The following DENND5B variants were observed in gnomAD, a reference collection of about 807,000 sequenced individuals.
The protein encoded by DENND5B is DENN domain containing 5B.
Under a neutral mutation model 140.6 loss-of-function variants are expected in DENND5B, and 34 were observed. That is an observed-to-expected ratio of 0.24 (90% CI 0.18 to 0.32). The LOEUF (loss-of-function observed/expected upper bound fraction) is 0.32. Among genes scored for constraint, DENND5B ranks in the 10% least tolerant of loss-of-function variants. DENND5B has a pLI of 1.00. For synonymous variants in DENND5B, 551 were observed against 562.1 expected (o/e 0.98, Z 0.28); for missense variants, 1,142 against 1,560.2 (o/e 0.73, Z 4.52).
chr12:31,569,536 C>T (rs992824627), intron 1 of DENND5B, among the ~76,000 whole-genome samples: 1 of 152,206 alleles, frequency 6.6e-6, no homozygotes, highest in Non-Finnish European at 1.5e-5. Context: ...CAGCTGGGAG[C>T]GATGGCTCAT....
At chr12:31,566,961 G>T (rs1026960426) in intron 1 of DENND5B, among the ~76,000 whole-genome samples, 2 of 152,126 alleles carry the variant, frequency 1.3e-5, no homozygotes, top group Non-Finnish European at 2.9e-5. Context: ...GGGAGGCGGA[G>T]GTTAGAACCC....
chr12:31,433,166 CGTT>C lies in DENND5B; in HGVS notation c.2092_2094del (p.Asn698del). On this transcript the variant is annotated inframe_deletion, in exon 8 of 21. Coordinates refer to ENST00000389082, the MANE Select transcript of DENND5B (RefSeq NM_144973.4). Reference sequence around the variant, plus strand: ...GGTAGACCACATACCTCCCTCAAGTCGTTGTCCAGCCCAACATGCTCAGAATGC... The same window carrying C: ...GGTAGACCACATACCTCCCTCAAGTCGTCCAGCCCAACATGCTCAGAATGC... 3.7e-6 allele frequency: 6 copies of C among 1,613,888 alleles called. No homozygotes were observed. The highest frequency in any genetic ancestry group is 5.1e-6 in the Non-Finnish European group (6 of 1,179,866).
At chr12:31,445,983 T>G (rs1299268066) in intron 6 of DENND5B, among the ~76,000 whole-genome samples, 3 of 149,780 alleles carry the variant, frequency 2.0e-5, no homozygotes, top group Non-Finnish European at 4.4e-5. Flanking sequence ...CACTCCAGCC[T>G]AGGCAACAAG....
intron 3 of DENND5B, among the ~76,000 whole-genome samples, chr12:31,472,442 C>T (rs1158031655): frequency 6.6e-6 from 1 of 152,130 alleles, no homozygotes; most frequent in Non-Finnish European, 1.5e-5. Context: ...CAGGGGCACA[C>T]CACCATGCCT....
At chr12:31,538,493 CAAAT>C (rs932396197) in intron 1 of DENND5B, among the ~76,000 whole-genome samples, 79 of 152,178 alleles carry the variant, frequency 5.2e-4, no homozygotes, top group African/African-American at 1.9e-3. Flanking sequence ...AAAAAAACCT[CAAAT>C]AAACAACTAT....
At chr12:31,407,177 C>G (rs1317329525) in intron 14 of DENND5B, among the ~76,000 whole-genome samples, 2 of 151,992 alleles carry the variant, frequency 1.3e-5, no homozygotes, top group African/African-American at 4.8e-5. Context: ...GTCGCCCAGG[C>G]TGGAGTGCAG....
chr12:31,585,360 T>C (rs143405482), intron 1 of DENND5B, among the ~76,000 whole-genome samples: 15 of 152,284 alleles, frequency 9.9e-5, no homozygotes, highest in Middle Eastern at 3.4e-3. Context: ...AAGCTAACAA[T>C]TGACACAGTA....
At chr12:31,532,322 G>C (rs1294323149) in intron 1 of DENND5B, among the ~76,000 whole-genome samples, 1 of 152,152 alleles carries the variant, frequency 6.6e-6, no homozygotes, top group Admixed American at 6.5e-5. Context: ...AGCCCAATGT[G>C]TCTGGAGGGC....
rs764066014 is a variant in DENND5B, at chr12:31,392,637, G to A, written c.3316C>T (p.His1106Tyr). 3.2e-6 allele frequency: 5 copies of A among 1,557,754 alleles called. No individual in the cohort carries two copies. The South Asian group carries it at 5.9e-5, about 18-fold the overall frequency. Residue 1106 changes from histidine (H) to tyrosine (Y), a missense_variant, in exon 18 of 21, where the codon CAT becomes TAT. Physicochemically the swap from His to Tyr is moderately conservative, Grantham distance 83. Transcript: ENST00000389082. ...IGEAVNNIVK[H>Y]FHKPEKERGS... ...ACCTCTTTTTCAGGTTTATGAAAATGTTTCACAATATTGTTCACAGCTTCT... is the reference window on the plus strand; with the variant it reads ...ACCTCTTTTTCAGGTTTATGAAAATATTTCACAATATTGTTCACAGCTTCT...
intron 2 of DENND5B, among the ~76,000 whole-genome samples, chr12:31,483,442 CTT>C (rs879396478): frequency 6.9e-6 from 1 of 145,236 alleles, no homozygotes; most frequent in African/African-American, 2.5e-5. Flanking sequence ...TAGTATACAT[CTT>C]TTTTTTTTTT....
At chr12:31,519,513 C>G (rs1947799236) in intron 1 of DENND5B, among the ~76,000 whole-genome samples, 1 of 152,096 alleles carries the variant, frequency 6.6e-6, no homozygotes, top group South Asian at 2.1e-4. Flanking sequence ...GTATCACATT[C>G]ATTTTACATT....
chr12:31,461,998 T>C (rs551229573), intron 3 of DENND5B, among the ~76,000 whole-genome samples: 8 of 152,354 alleles, frequency 5.3e-5, no homozygotes, highest in African/African-American at 1.9e-4. Context: ...TTTTTGGTAA[T>C]GAATCATCAG....
chr12:31,505,514 G>A lies in DENND5B; in HGVS notation c.128-9595C>T, dbSNP rs529150490. The stretch of plus-strand genomic sequence containing the variant: ...AGCCTCCCAAGTGCTGGGATTACAG[G>A]CATAAGCCACCATGCCCAGGCCAGA... On this transcript the variant is annotated intron_variant, in intron 1 of 20. Transcript: ENST00000389082. Among the ~76,000 whole-genome samples, 4 of 152,166 alleles carry A rather than the reference G, an allele frequency of 2.6e-5. No homozygotes were observed. In the South Asian group the frequency reaches 8.3e-4, roughly 32 times the overall value.
chr12:31,423,168 T>C (rs1359328898), intron 11 of DENND5B, among the ~76,000 whole-genome samples: 1 of 152,066 alleles, frequency 6.6e-6, no homozygotes, highest in Non-Finnish European at 1.5e-5. Context: ...CTCAAACTCC[T>C]AACCTCAGGT....
At chr12:31,445,769 T>C (rs1028436247) in intron 6 of DENND5B, among the ~76,000 whole-genome samples, 2 of 151,292 alleles carry the variant, frequency 1.3e-5, no homozygotes, top group African/African-American at 4.9e-5. Flanking sequence ...AGCAGGTGGA[T>C]CACTTAAGCC....
intron 3 of DENND5B, among the ~76,000 whole-genome samples, chr12:31,471,120 GC>G (rs1945536786): frequency 6.6e-6 from 1 of 152,228 alleles, no homozygotes; most frequent in Admixed American, 6.5e-5. Context: ...GCTGGACCAA[GC>G]TCAGATTTCT....
At chr12:31,389,081 A>C (rs1389727691) in intron 20 of DENND5B, among the ~76,000 whole-genome samples, 1 of 152,076 alleles carries the variant, frequency 6.6e-6, no homozygotes, top group East Asian at 1.9e-4. Context: ...ATCGGTTGCT[A>C]CCTCATGTAG....
At chr12:31,571,114 A>T (rs1485269250) in intron 1 of DENND5B, among the ~76,000 whole-genome samples, 1 of 151,136 alleles carries the variant, frequency 6.6e-6, no homozygotes, top group Non-Finnish European at 1.5e-5. Flanking sequence ...TGTGAAGGAC[A>T]AGTGTCAGAT....
intron 20 of DENND5B, 75 bp downstream of exon 20, chr12:31,389,246 TATG>T: frequency 7.5e-7 from 1 of 1,334,834 alleles, no homozygotes; most frequent in Non-Finnish European, 1.0e-6. Flanking sequence ...CTGGAAGGGG[TATG>T]ATCTGGTATA....
Sources: gnomAD v4.1 joint callset for allele counts (sites outside exome capture counted in the v4.1 genomes callset) on GRCh38, gnomAD v4.1.1 for gene constraint, MANE v1.5 for transcripts, NCBI Gene and HGNC (gene_info 2026-07-23, HGNC 2026-07-21) for gene names.